Variants in CDH18 observed in about 807,000 individuals in gnomAD.
CDH18 encodes the protein cadherin-18.
A neutral mutation model predicts 67.9 loss-of-function variants in CDH18; 31 were observed. That is an observed-to-expected ratio of 0.46 (90% confidence interval 0.34 to 0.62). The LOEUF is 0.62. Among genes scored for constraint, CDH18 ranks in the 20% least tolerant of loss-of-function variants. The pLI, the probability that CDH18 is intolerant of heterozygous loss-of-function variation, is 0.01. For missense variants in CDH18, 890 were observed against 975.5 expected (o/e 0.91, Z 1.17); for synonymous variants, 362 against 347.2 (o/e 1.04, Z -0.48).
intron 1 of CDH18, among the ~76,000 whole-genome samples, chr5:20,295,666 G>A (rs1355145080): frequency 6.6e-6 from 1 of 151,524 alleles, no homozygotes; most frequent in Non-Finnish European, 1.5e-5. Context: ...GGTGGACGTT[G>A]CAGTGAGCCA....
rs149628152 is a variant in CDH18 at position 19,861,104 on chromosome 5, T to G, written c.-256-21862A>C. On this transcript the variant is annotated intron_variant, in intron 2 of 12. Transcript: ENST00000382275. Reference sequence around the variant, plus strand: ...CTATCTTACAGAACGTTATTAAGTGTTCCCATTGAGGACCTAGATTATTAG... The same window carrying G: ...CTATCTTACAGAACGTTATTAAGTGGTCCCATTGAGGACCTAGATTATTAG... Among the ~76,000 whole-genome samples the G allele has an allele frequency of 1.8e-3, 277 of 152,294 alleles. 1 individual carries two copies. Among genetic ancestry groups the G allele is most frequent in the African/African-American group, 6.1e-3 (254 of 41,584 alleles).
intron 5 of CDH18, among the ~76,000 whole-genome samples, chr5:19,668,369 ACT>A (rs1046241833): frequency 4.5e-5 from 3 of 67,098 alleles, no homozygotes; most frequent in African/African-American, 1.4e-4. Context: ...AGTTTCTATG[ACT>A]CTTATTAGCA....
intron 1 of CDH18, among the ~76,000 whole-genome samples, chr5:20,326,409 C>G (rs1467568769): frequency 6.6e-6 from 1 of 152,056 alleles, no homozygotes; most frequent in Non-Finnish European, 1.5e-5. Flanking sequence ...AACTCTCTAA[C>G]TACAAACTTA....
At chr5:20,387,920 C>T (rs1419133214) in intron 1 of CDH18, among the ~76,000 whole-genome samples, 2 of 152,170 alleles carry the variant, frequency 1.3e-5, no homozygotes, top group African/African-American at 4.8e-5. Context: ...ATGAAGCCCA[C>T]TTGATCATGG....
chr5:20,322,344 A>G (rs1179851987), intron 1 of CDH18, among the ~76,000 whole-genome samples: 3 of 152,142 alleles, frequency 2.0e-5, no homozygotes, highest in African/African-American at 4.8e-5. Flanking sequence ...CTAAAATTAA[A>G]GTTGCTCAAG....
At chr5:19,567,448 A>G (rs146622591) in intron 8 of CDH18, among the ~76,000 whole-genome samples, 42 of 152,322 alleles carry the variant, frequency 2.8e-4, no homozygotes, top group Admixed American at 2.2e-3. Context: ...CCAATTCTAC[A>G]AACTTGGAGT....
intron 2 of CDH18, among the ~76,000 whole-genome samples, chr5:20,173,947 G>T (rs943237096): frequency 6.6e-6 from 1 of 152,008 alleles, no homozygotes; most frequent in Non-Finnish European, 1.5e-5. Flanking sequence ...ATGCTAACAT[G>T]ATTAAATGTA....
intron 10 of CDH18, among the ~76,000 whole-genome samples, chr5:19,517,263 T>C (rs1746178427): frequency 6.6e-6 from 1 of 152,166 alleles, no homozygotes; most frequent in Admixed American, 6.6e-5. Context: ...TGGTTGGCTC[T>C]TTCTATGTCC....
chr5:20,413,144 T>C (rs1250267357), intron 1 of CDH18, among the ~76,000 whole-genome samples: 2 of 152,204 alleles, frequency 1.3e-5, no homozygotes, highest in African/African-American at 4.8e-5. Flanking sequence ...CATGAACTCA[T>C]CCTTTTTTAT....
chr5:19,911,295 G>A (rs945205140), intron 2 of CDH18, among the ~76,000 whole-genome samples: 1 of 152,066 alleles, frequency 6.6e-6, no homozygotes, highest in African/African-American at 2.4e-5. Flanking sequence ...GTTTAGCAAG[G>A]GAAGAGGAGG....
intron 1 of CDH18, among the ~76,000 whole-genome samples, chr5:20,394,170 G>T (rs1745096929): frequency 6.6e-6 from 1 of 151,800 alleles, no homozygotes; most frequent in Non-Finnish European, 1.5e-5. Context: ...ATACTACAAG[G>T]CTATACTAAC....
chr5:20,470,129 T>C (rs1319720739), intron 1 of CDH18, among the ~76,000 whole-genome samples: 1 of 152,188 alleles, frequency 6.6e-6, no homozygotes, highest in Non-Finnish European at 1.5e-5. Flanking sequence ...CTCATGCCAC[T>C]GGGAAGTGCA....
At chr5:20,234,844 C>A (rs1742350820) in intron 2 of CDH18, among the ~76,000 whole-genome samples, 1 of 152,014 alleles carries the variant, frequency 6.6e-6, no homozygotes, top group Non-Finnish European at 1.5e-5. Context: ...CAGAAAGGTT[C>A]CAAATTTGAT....
At chr5:19,478,690 G>A (rs1579679340) in intron 12 of CDH18, 2 of 152,342 alleles carry the variant, frequency 1.3e-5, no homozygotes, top group South Asian at 2.1e-4. Flanking sequence ...GTAGCTGGAA[G>A]AGGTCCCAGT....
At chr5:20,355,841 T>C (rs1741565039) in intron 1 of CDH18, among the ~76,000 whole-genome samples, 1 of 152,190 alleles carries the variant, frequency 6.6e-6, no homozygotes, top group African/African-American at 2.4e-5. Context: ...AGCACTAACA[T>C]AGGACACTAA....
intron 12 of CDH18, among the ~76,000 whole-genome samples, chr5:19,477,135 T>A (rs1411789997): frequency 6.8e-6 from 1 of 147,792 alleles, no homozygotes. Context: ...AGGAGATATA[T>A]ATATATATTT....
chr5:20,349,971 A>G (rs1332225502), intron 1 of CDH18, among the ~76,000 whole-genome samples: 1 of 152,156 alleles, frequency 6.6e-6, no homozygotes, highest in Admixed American at 6.5e-5. Flanking sequence ...AGGTCAAGAA[A>G]GCACATCTGA....
intron 6 of CDH18, among the ~76,000 whole-genome samples, chr5:19,603,525 T>C (rs1747517823): frequency 6.6e-6 from 1 of 152,000 alleles, no homozygotes; most frequent in Non-Finnish European, 1.5e-5. Context: ...TTATTGTATA[T>C]ATTTTTTAAC....
At chr5:19,515,206 T>A (rs1745780800) in intron 10 of CDH18, among the ~76,000 whole-genome samples, 1 of 152,226 alleles carries the variant, frequency 6.6e-6, no homozygotes, top group Non-Finnish European at 1.5e-5. Flanking sequence ...TTGGTCTATA[T>A]CTCTGTTTTG....
Sources: allele counts gnomAD v4.1 joint callset (sites outside exome capture counted in the v4.1 genomes callset), GRCh38; gene constraint gnomAD v4.1.1; transcripts MANE v1.5; gene names NCBI Gene and HGNC (gene_info 2026-07-23, HGNC 2026-07-21).